Variants in FAP observed in about 807,000 individuals in gnomAD.
FAP encodes fibroblast activation protein alpha, also known as prolyl endopeptidase FAP.
Under a neutral mutation model 126.5 loss-of-function variants are expected in FAP, and 110 were observed. The observed-to-expected ratio is 0.87, with a 90% confidence interval of 0.74 to 1.02. The LOEUF is 1.02. Ranked by LOEUF, FAP falls within the 50% of genes least tolerant of loss-of-function variation. The probability of loss-of-function intolerance (pLI) is 0.00; values close to 1 mark genes in which losing one functional copy is unlikely to be tolerated. For synonymous variants in FAP, 334 were observed against 297.3 expected (o/e 1.12, Z -1.27); for missense variants, 919 against 909.2 (o/e 1.01, Z -0.14).
At chr2:162,207,080 A>C (rs1036439282) in intron 12 of FAP, among the ~76,000 whole-genome samples, 1 of 152,204 alleles carries the variant, frequency 6.6e-6, no homozygotes, top group African/African-American at 2.4e-5. Flanking sequence ...ACTTGAATGA[A>C]TGTCTGAAAT....
intron 12 of FAP, among the ~76,000 whole-genome samples, chr2:162,206,933 T>A (rs969379410): frequency 3.3e-5 from 5 of 152,186 alleles, no homozygotes; most frequent in African/African-American, 1.2e-4. Context: ...TTCTAATTCA[T>A]AGGTGATTTC....
intron 2 of FAP, among the ~76,000 whole-genome samples, chr2:162,236,297 G>A (rs1329207687): frequency 6.6e-6 from 1 of 152,150 alleles, no homozygotes. Flanking sequence ...TGGCATTATA[G>A]TAATGCGGGT....
At chr2:162,231,015 G>A (rs1402368558) in intron 2 of FAP, among the ~76,000 whole-genome samples, 2 of 152,070 alleles carry the variant, frequency 1.3e-5, no homozygotes, top group Admixed American at 6.6e-5. Flanking sequence ...AATGTAAATG[G>A]CCTCCTTTAA....
chr2:162,188,759 T>C (rs946627377), intron 19 of FAP, among the ~76,000 whole-genome samples: 1 of 152,132 alleles, frequency 6.6e-6, no homozygotes, highest in African/African-American at 2.4e-5. Flanking sequence ...ATTCTATTCC[T>C]TTATTTCATT....
At chr2:162,222,737 A>G (rs1440933822) in intron 6 of FAP, among the ~76,000 whole-genome samples, 1 of 152,172 alleles carries the variant, frequency 6.6e-6, no homozygotes, top group Admixed American at 6.5e-5. Context: ...CCTTATTGTC[A>G]TCAGAAAGAA....
At chr2:162,223,285 C>G (rs1689490596) in intron 6 of FAP, among the ~76,000 whole-genome samples, 1 of 152,136 alleles carries the variant, frequency 6.6e-6, no homozygotes, top group African/African-American at 2.4e-5. Context: ...AATAGTGTCT[C>G]ATTTCCAAGA....
In FAP at chr2:162,202,869, T is replaced by C. The variant is rs765145142; in HGVS notation, c.1223+3A>G. ...GGTGCATCGTGCTTCGTGCAATACT[T>C]ACAGTGAATCCTGTGTTACTCTGAA... is the stretch of plus-strand genomic sequence containing the variant. On this transcript the variant is annotated splice_donor_region_variant and intron_variant, in intron 14 of 25. Coordinates refer to ENST00000188790, the MANE Select transcript of FAP (RefSeq NM_004460.5). 1 of 1,611,790 alleles carries C rather than the reference T, an allele frequency of 6.2e-7. No individual in the cohort carries two copies. Among genetic ancestry groups the C allele is most frequent in the South Asian group, 1.1e-5 (1 of 91,016 alleles).
chr2:162,236,228 A>G (rs921603849), intron 2 of FAP, among the ~76,000 whole-genome samples: 1 of 152,150 alleles, frequency 6.6e-6, no homozygotes, highest in Non-Finnish European at 1.5e-5. Flanking sequence ...AAATTTTTGC[A>G]TCCATATTCA....
chr2:162,172,702 G>A, intron 25 of FAP, 109 bp downstream of exon 25: 1 of 714,202 alleles, frequency 1.4e-6, no homozygotes, highest in Middle Eastern at 2.5e-4. Context: ...CTATCCTGCA[G>A]CCTCTTTGTC....
At chr2:162,227,212 T>A (rs1054554423) in intron 2 of FAP, among the ~76,000 whole-genome samples, 24 of 152,280 alleles carry the variant, frequency 1.6e-4, no homozygotes, top group South Asian at 8.3e-4. Flanking sequence ...ACTATGGATT[T>A]TTATATAAAG....
At chr2:162,238,935 T>A (rs1301956537) in intron 2 of FAP, among the ~76,000 whole-genome samples, 1 of 152,220 alleles carries the variant, frequency 6.6e-6, no homozygotes, top group Non-Finnish European at 1.5e-5. Flanking sequence ...ACAAATTATC[T>A]GTGGCCTTCA....
At chr2:162,197,411 A>C (rs1053803403) in intron 16 of FAP, among the ~76,000 whole-genome samples, 1 of 152,220 alleles carries the variant, frequency 6.6e-6, no homozygotes, top group African/African-American at 2.4e-5. Context: ...TATATAGCTT[A>C]GGTTGAAAAA....
At chr2:162,238,009 T>A (rs374196506) in intron 2 of FAP, among the ~76,000 whole-genome samples, 3 of 152,290 alleles carry the variant, frequency 2.0e-5, no homozygotes, top group South Asian at 4.1e-4. Context: ...TTGAGAAATG[T>A]CTGTTCATGT....
intron 21 of FAP, among the ~76,000 whole-genome samples, chr2:162,180,036 T>C (rs1268176262): frequency 6.6e-6 from 1 of 151,972 alleles, no homozygotes; most frequent in Admixed American, 6.6e-5. Flanking sequence ...CTCGAACTCC[T>C]GACCTCGTGA....
At chr2:162,219,575 A>T (rs1402178341) in intron 7 of FAP, among the ~76,000 whole-genome samples, 1 of 152,118 alleles carries the variant, frequency 6.6e-6, no homozygotes. Context: ...ACTTGTGAAA[A>T]CCATATTTTT....
At chr2:162,191,097 A>G (rs936966794) in intron 17 of FAP, among the ~76,000 whole-genome samples, 1 of 152,098 alleles carries the variant, frequency 6.6e-6, no homozygotes, top group East Asian at 1.9e-4. Flanking sequence ...TGGAGCTGCC[A>G]TCGATAAAGA....
chr2:162,203,120 C>T lies in FAP; in HGVS notation c.1073G>A (p.Ser358Asn), dbSNP rs1688561939. The T allele has an allele frequency of 6.2e-7, 1 of 1,612,496 alleles. No individual in the cohort carries two copies. The highest frequency in any genetic ancestry group is 1.7e-5 in the Admixed American group (1 of 59,952). The change falls in exon 13 of 26, where the codon AGC becomes AAC. Residue 358 changes from serine (S) to asparagine (N), a missense_variant. Coordinates refer to ENST00000188790, the MANE Select transcript of FAP (RefSeq NM_004460.5). ...TTTGTAGTACGAAATGGCATCATAG[C>T]TGAAAACTGGTGTTGAAACAAAGAA... ...GGFFVSTPVF[S>N]YDAISYYKIF...
In FAP at chr2:162,171,093, G is replaced by T. The variant is rs375963018; in HGVS notation, c.2182-13C>A. On this transcript the variant is annotated splice_polypyrimidine_tract_variant and intron_variant, in intron 25 of 25. Transcript: ENST00000188790. ...GGTCAGAGTACCACTGAAACACAAA[G>T]AAAAAAGCTTGTTTTATTCCTGCAG... is the stretch of plus-strand genomic sequence containing the variant. The T allele has an allele frequency of 6.8e-6, 11 of 1,607,296 alleles. No individual in the cohort carries two copies. In the Admixed American group the frequency reaches 1.4e-4, roughly 20 times the overall value.
chr2:162,210,781 C>A (rs1185015044), intron 11 of FAP, among the ~76,000 whole-genome samples: 1 of 152,056 alleles, frequency 6.6e-6, no homozygotes, highest in Non-Finnish European at 1.5e-5. Flanking sequence ...GAGAGACCAA[C>A]TGGAAGGCTA....
Sources: allele counts gnomAD v4.1 joint callset (sites outside exome capture counted in the v4.1 genomes callset), GRCh38; gene constraint gnomAD v4.1.1; transcripts MANE v1.5; gene names NCBI Gene and HGNC (gene_info 2026-07-23, HGNC 2026-07-21).